Variants in PCDHA1 observed in about 807,000 individuals in gnomAD.
The protein encoded by PCDHA1 is protocadherin alpha 1, also known as protocadherin alpha-1.
PCDHA1 carries 42 observed loss-of-function variants against 61.3 expected under a neutral mutation model. The ratio of observed to expected loss-of-function variants is 0.69; its 90% confidence interval spans 0.54 to 0.89. The LOEUF is 0.89. Among genes scored for constraint, PCDHA1 ranks in the 40% least tolerant of loss-of-function variants. The pLI, the probability that PCDHA1 is intolerant of heterozygous loss-of-function variation, is 0.00. For synonymous variants in PCDHA1, 610 were observed against 553.8 expected, an observed-to-expected ratio of 1.10 and a Z score of -1.43; for missense variants, 1,256 against 1,235.3, an observed-to-expected ratio of 1.02 and a Z score of -0.25.
At chr5:140,954,299 C>T (rs964431670) in intron 1 of PCDHA1, among the ~76,000 whole-genome samples, 2 of 152,166 alleles carry the variant, frequency 1.3e-5, no homozygotes, top group Non-Finnish European at 2.9e-5. Context: ...GGTACATACC[C>T]AGTAATGGGA....
chr5:140,883,827 T>G, intron 1 of PCDHA1: 1 of 1,612,546 alleles, frequency 6.2e-7, no homozygotes, highest in South Asian at 1.1e-5. Context: ...GTGTACGCGC[T>G]GCAGCCGTTG....
At chr5:140,809,573 G>T (rs781833658) in intron 1 of PCDHA1, 7 of 1,596,946 alleles carry the variant, frequency 4.4e-6, no homozygotes, top group East Asian at 2.2e-5. Context: ...CTTTGCAAAG[G>T]TTAGTGTATA....
intron 3 of PCDHA1, among the ~76,000 whole-genome samples, chr5:140,995,652 C>T (rs1018975214): frequency 2.0e-5 from 3 of 151,828 alleles, no homozygotes; most frequent in East Asian, 1.9e-4. Context: ...AAAGGAGAAT[C>T]GAAAAGGGAA....
At chr5:140,813,586 T>C (rs191495535) in intron 1 of PCDHA1, 62 of 152,362 alleles carry the variant, frequency 4.1e-4, no homozygotes, top group African/African-American at 1.1e-3. Flanking sequence ...TGGAAATTTA[T>C]CTGCATGAGT....
chr5:140,806,899 C>A, intron 1 of PCDHA1: 2 of 454,470 alleles, frequency 4.4e-6, no homozygotes, highest in Admixed American at 3.9e-5. Context: ...TCCTATTCTC[C>A]GAAACGACTG....
chr5:140,855,103 T>C lies in PCDHA1; in HGVS notation c.2394+66419T>C. Among the ~76,000 whole-genome samples, 2 of 149,938 alleles carry C rather than the reference T, an allele frequency of 1.3e-5. 1 individual carries two copies. The highest frequency in any genetic ancestry group is 3.0e-5 in the Non-Finnish European group (2 of 67,096). On this transcript the variant is annotated intron_variant, in intron 1 of 3. Coordinates refer to ENST00000504120, the MANE Select transcript of PCDHA1 (RefSeq NM_018900.4). ...CCACTCTCAGCCTGTGCAGTAGCAA[T>C]AATTAAGGCATTCTATAGGTAATAA... is the stretch of plus-strand genomic sequence containing the variant.
intron 1 of PCDHA1, chr5:140,809,149 C>T (rs782812274): frequency 2.5e-6 from 4 of 1,613,942 alleles, no homozygotes; most frequent in Non-Finnish European, 3.4e-6. Flanking sequence ...TGAAGGACCA[C>T]GGCGAGCCCG....
chr5:140,979,566 G>A (rs2096856791), intron 2 of PCDHA1, among the ~76,000 whole-genome samples: 1 of 152,194 alleles, frequency 6.6e-6, no homozygotes, highest in Non-Finnish European at 1.5e-5. Flanking sequence ...GATGAGCCAT[G>A]TAAAGGGCTC....
Position 140,857,975 on chromosome 5 carries a change from C to T in PCDHA1, c.2394+69291C>T, listed in dbSNP as rs782181380. The T allele has an allele frequency of 7.5e-6, 12 of 1,596,906 alleles. 2 individuals are homozygous for T. In the Admixed American group the frequency reaches 1.0e-4, roughly 14 times the overall value. On this transcript the variant is annotated intron_variant, in intron 1 of 3. Coordinates refer to ENST00000504120, the MANE Select transcript of PCDHA1 (RefSeq NM_018900.4). ...CGCTCTGGATGAGACTGACTCGCCA[C>T]GCCAGCGCCTACTGGTGCTGGTGAA...
intron 1 of PCDHA1, chr5:140,829,789 G>A (rs1298804039): frequency 6.2e-7 from 1 of 1,613,836 alleles, no homozygotes; most frequent in African/African-American, 1.3e-5. Flanking sequence ...CGGCGCTGCT[G>A]GCGCCTCGGG....
chr5:140,820,753 T>C (rs1554127911), intron 1 of PCDHA1, among the ~76,000 whole-genome samples: 1 of 152,114 alleles, frequency 6.6e-6, no homozygotes, highest in Admixed American at 6.5e-5. Flanking sequence ...GTATGTCATA[T>C]AGACAATATT....
chr5:140,941,211 CTTCCTTTCTTTCTTTCTTTCTTT>C (rs2092859339), intron 1 of PCDHA1, among the ~76,000 whole-genome samples: 20 of 129,726 alleles, frequency 1.5e-4, no homozygotes, highest in Admixed American at 7.8e-4. Flanking sequence ...TCCTTTCTTT[CTTCCTTTCTTTCTTTCTTTCTTT>C]CTTTCTTTCT....
chr5:140,881,459 A>G (rs1172310253), intron 1 of PCDHA1: 2 of 672,234 alleles, frequency 3.0e-6, no homozygotes, highest in Non-Finnish European at 3.7e-6. Flanking sequence ...AAAACCTTAG[A>G]GCATTGTTGT....
chr5:140,934,998 T>A (rs1242919330), intron 1 of PCDHA1, among the ~76,000 whole-genome samples: 1 of 152,198 alleles, frequency 6.6e-6, no homozygotes, highest in Non-Finnish European at 1.5e-5. Flanking sequence ...CCCTGAATCC[T>A]TTTCATGTGA....
intron 1 of PCDHA1, chr5:140,969,343 G>C: frequency 1.2e-6 from 2 of 1,613,728 alleles, no homozygotes; most frequent in Non-Finnish European, 1.7e-6. Flanking sequence ...TGAGACAGTG[G>C]TCAGGGGGTC....
chr5:140,884,449 C>T, intron 1 of PCDHA1: 1 of 1,613,826 alleles, frequency 6.2e-7, no homozygotes, highest in Non-Finnish European at 8.5e-7. Context: ...CGGCACCGCC[C>T]ACCGAGGGCG....
chr5:141,009,712 C>T lies in PCDHA1; in HGVS notation c.2628C>T (p.Pro876=). The T allele has an allele frequency of 1.2e-6, 2 of 1,614,156 alleles. No individual in the cohort carries two copies. Among genetic ancestry groups the T allele is most frequent in the African/African-American group, 1.3e-5 (1 of 75,034 alleles). ...CCTTTAAATACGGACCAGGCAACCC[C>T]AAACAATCCGGTCCCGGTGAGTTGC... is the stretch of plus-strand genomic sequence containing the variant. ...SWTFKYGPGN[P]KQSGPGELPD... is the part of the protein sequence containing the mutation. The change falls in exon 4 of 4, where the codon CCC becomes CCT. Residue 876 remains proline (P), a synonymous_variant. Transcript: ENST00000504120.
chr5:141,011,299 CTGAA>C lies in PCDHA1; in HGVS notation c.*1364_*1367del, dbSNP rs1554263406. ...TTTAGTTTTCCTTTTCTATAACACT[CTGAA>C]TTGCTAATCTTACTAACACCTATGA... is the stretch of plus-strand genomic sequence containing the variant. On this transcript the variant is annotated 3_prime_UTR_variant, in exon 4 of 4. Coordinates refer to ENST00000504120, the MANE Select transcript of PCDHA1 (RefSeq NM_018900.4). 1 of 153,768 alleles carries C rather than the reference CTGAA, an allele frequency of 6.5e-6. No homozygotes were observed. Among genetic ancestry groups the C allele is most frequent in the East Asian group, 1.9e-4 (1 of 5,198 alleles). The allele number at this position is 153,768 out of a possible 1,614,324, so 9.5% of individuals were successfully genotyped here.
intron 1 of PCDHA1, among the ~76,000 whole-genome samples, chr5:140,901,935 GTA>G (rs200320249): frequency 0.011 from 1,607 of 151,762 alleles, 16 homozygotes; most frequent in African/African-American, 0.028. Context: ...TAATTCCTAG[GTA>G]TATTTAGTTT....
Sources: allele counts gnomAD v4.1 joint callset (sites outside exome capture counted in the v4.1 genomes callset), GRCh38; gene constraint gnomAD v4.1.1; transcripts MANE v1.5; gene names NCBI Gene and HGNC (gene_info 2026-07-23, HGNC 2026-07-21).